GPBP1: variants seen among roughly 807,000 people sequenced by gnomAD.
GPBP1 encodes vasculin.
GPBP1 carries 13 observed loss-of-function variants against 56.5 expected under a neutral mutation model. The ratio of observed to expected loss-of-function variants is 0.23; its 90% CI spans 0.15 to 0.37. GPBP1 has a LOEUF of 0.37. Ranked by LOEUF, GPBP1 falls within the 10% of genes least tolerant of loss-of-function variation. The probability of loss-of-function intolerance (pLI) is 1.00; values close to 1 mark genes in which losing one functional copy is unlikely to be tolerated. For missense variants in GPBP1, 477 were observed against 572.3 expected (o/e 0.83, Z 1.70); for synonymous variants, 204 against 188.9 (o/e 1.08, Z -0.66).
Position 57,246,393 on chromosome 5 carries a change from T to G in GPBP1, c.572T>G (p.Val191Gly). 1 of 1,613,616 alleles carries G rather than the reference T, an allele frequency of 6.2e-7. No individual in the cohort carries two copies. The highest frequency in any genetic ancestry group is 1.3e-5 in the African/African-American group (1 of 75,030). ...KDLQLSGFPV[V>G]GNLPSQPVKN... ...TTACAGCTATCTGGATTCCCAGTAG[T>G]AGGAAATCTTCCGTCACAGCCAGTT... Residue 191 changes from valine to glycine, a missense_variant, in exon 7 of 12, where the codon GTA (valine) becomes GGA (glycine). Val to Gly is a moderately radical substitution (Grantham distance 109, BLOSUM62 -3). Coordinates refer to ENST00000506184, the MANE Select transcript of GPBP1 (RefSeq NM_022913.4).
At chr5:57,215,074 A>G (rs1028708029) in intron 3 of GPBP1, among the ~76,000 whole-genome samples, 3 of 152,236 alleles carry the variant, frequency 2.0e-5, no homozygotes, top group South Asian at 2.1e-4. Flanking sequence ...AATTCTTACC[A>G]GTCATATACT....
At chr5:57,236,966 G>C in intron 6 of GPBP1, 1 of 586,054 alleles carries the variant, frequency 1.7e-6, no homozygotes, top group South Asian at 1.9e-5. Context: ...TGAAACTCGG[G>C]AATTATTTTG....
In GPBP1 at chr5:57,206,124, A is replaced by G. The variant is rs1387212238; in HGVS notation, c.-57-7950A>G. Among the ~76,000 whole-genome samples the G allele has an allele frequency of 2.6e-5, 4 of 152,210 alleles. No individual in the cohort carries two copies. In the East Asian group the frequency reaches 7.7e-4, roughly 29 times the overall value. The stretch of plus-strand genomic sequence containing the variant: ...TTGTTGAGTTGTAAGAGTTCTTTAT[A>G]TATTCTGGATACTAGACCTTATTAG... On this transcript the variant is annotated intron_variant, in intron 2 of 11. Coordinates refer to ENST00000506184, the MANE Select transcript of GPBP1 (RefSeq NM_022913.4).
chr5:57,261,300 A>G lies in GPBP1; in HGVS notation c.1263+18A>G, dbSNP rs73129927. 9.9e-4 allele frequency: 1,365 copies of G among 1,380,650 alleles called. 10 individuals are homozygous for G. The African/African-American group carries it at 0.017, about 18-fold the overall frequency. The allele number at this position is 1,380,650 out of a possible 1,614,324, so 85.5% of individuals were successfully genotyped here. On this transcript the variant is annotated intron_variant, in intron 11 of 11. Coordinates refer to ENST00000506184, the MANE Select transcript of GPBP1 (RefSeq NM_022913.4). ...GTGAACAGGTAAGAAAACCTGAATCATACAACTTCACTTTTAAACTGCCCT... is the reference window on the plus strand; with the variant it reads ...GTGAACAGGTAAGAAAACCTGAATCGTACAACTTCACTTTTAAACTGCCCT...
rs908203843 is a variant in GPBP1, at chr5:57,264,117, TTTG to T, written c.*1374_*1376del. ...TTTTCACCAGAAACTGTTATTTTTT[TTTG>T]TTGTTGTTCCCACTGAGACTGATGG... is the stretch of plus-strand genomic sequence containing the variant. On this transcript the variant is annotated 3_prime_UTR_variant, in exon 12 of 12. Transcript: ENST00000506184. 3.3e-5 allele frequency: 5 copies of T among 152,162 alleles called. No homozygotes were observed. The highest frequency in any genetic ancestry group is 9.7e-5 in the African/African-American group (4 of 41,442). 9.4% of individuals were successfully genotyped at this position (152,162 alleles called of 1,614,324 possible).
At chr5:57,222,486 T>C (rs1436260166) in intron 3 of GPBP1, among the ~76,000 whole-genome samples, 1 of 152,204 alleles carries the variant, frequency 6.6e-6, no homozygotes, top group Non-Finnish European at 1.5e-5. Context: ...CAGAATATAT[T>C]TTTATTGCAG....
chr5:57,257,327 G>A (rs1741710107), intron 10 of GPBP1, among the ~76,000 whole-genome samples: 1 of 152,032 alleles, frequency 6.6e-6, no homozygotes, highest in Admixed American at 6.6e-5. Context: ...GAGCCACTGC[G>A]CCTGGCCAGT....
In GPBP1 at chr5:57,236,103, T is replaced by C. The variant is rs573273769; in HGVS notation, c.478+71T>C. ...TTTATAGGTTTCACTTTTTGTGTTT[T>C]TTAAAATAGAGAGCAGGCTAGAATA... On this transcript the variant is annotated intron_variant, in intron 6 of 11. Coordinates refer to ENST00000506184, the MANE Select transcript of GPBP1 (RefSeq NM_022913.4). The C allele has an allele frequency of 9.1e-5, 93 of 1,017,604 alleles. 3 individuals carry two copies. The South Asian group carries it at 1.2e-3, about 13-fold the overall frequency. 63.0% of individuals were successfully genotyped at this position (1,017,604 alleles called of 1,614,324 possible).
chr5:57,178,908 T>C (rs1281023529), intron 2 of GPBP1, among the ~76,000 whole-genome samples: 2 of 152,228 alleles, frequency 1.3e-5, no homozygotes, highest in South Asian at 4.1e-4. Context: ...ATAATAATCA[T>C]AGTGGCTAAC....
rs1755604905 is a variant in GPBP1 at position 57,214,060 on chromosome 5, T to C, written c.-57-14T>C. On this transcript the variant is annotated splice_polypyrimidine_tract_variant and intron_variant, in intron 2 of 11. Transcript: ENST00000506184. ...GGAGCTGCAGGTCTAATTCCTTCCA[T>C]TTTTATGTGACAGGGACTTGCCATG... The C allele has an allele frequency of 7.5e-7, 1 of 1,327,168 alleles. No homozygotes were observed. The highest frequency in any genetic ancestry group is 1.1e-6 in the Non-Finnish European group (1 of 923,336). The allele number at this position is 1,327,168 out of a possible 1,614,324, so 82.2% of individuals were successfully genotyped here.
rs543005934 is a variant in GPBP1 at position 57,229,230 on chromosome 5, C to CAAAAAAAAAAAAAAA, written c.64-1593_64-1579dup. Among the ~76,000 whole-genome samples the CAAAAAAAAAAAAAAA allele has an allele frequency of 1.9e-4, 15 of 77,422 alleles. 1 individual carries two copies. The highest frequency in any genetic ancestry group is 4.0e-4 in the African/African-American group (8 of 19,868). The allele number at this position is 77,422 out of a possible 152,430, so 50.8% of individuals were successfully genotyped here. On this transcript the variant is annotated intron_variant, in intron 3 of 11. Transcript: ENST00000506184. The stretch of plus-strand genomic sequence containing the variant: ...TGGGCGACAGAACAAGACTCCATCT[C>CAAAAAAAAAAAAAAA]AAAAAAAAAAAAAAAAAAAAAAAAA...
intron 8 of GPBP1, among the ~76,000 whole-genome samples, chr5:57,248,323 G>GTT (rs1741187885): frequency 6.6e-6 from 1 of 151,780 alleles, no homozygotes; most frequent in Admixed American, 6.5e-5. Flanking sequence ...AGAACAGGGA[G>GTT]TTCTCTGACC....
intron 3 of GPBP1, among the ~76,000 whole-genome samples, chr5:57,228,152 A>G (rs1371278838): frequency 6.6e-6 from 1 of 152,190 alleles, no homozygotes; most frequent in African/African-American, 2.4e-5. Flanking sequence ...CCACCTATAT[A>G]GTCTTTTTAG....
intron 2 of GPBP1, among the ~76,000 whole-genome samples, chr5:57,183,765 A>ATTTTTTTTT (rs34608817): frequency 2.0e-4 from 27 of 133,286 alleles, no homozygotes; most frequent in Non-Finnish European, 3.0e-4. Flanking sequence ...GGGGATATGA[A>ATTTTTTTTT]TTTTTTTTTT....
In GPBP1 at chr5:57,230,957, C is replaced by T. The variant is rs775619360; in HGVS notation, c.175C>T (p.Arg59Cys). ...AGATGGCTTTGATTCTGCTATTGGG[C>T]GTCCTAATGGAGGTAAAATTTGCTA... Reference protein sequence around the residue: ...SSDGFDSAIGRPNGGNFGRKE... With the variant: ...SSDGFDSAIGCPNGGNFGRKE... The change falls in exon 4 of 12, where the codon CGT becomes TGT. Residue 59 changes from arginine to cysteine, a missense_variant. Transcript: ENST00000506184. The T allele has an allele frequency of 5.0e-5, 81 of 1,607,098 alleles. No individual in the cohort carries two copies. Among genetic ancestry groups the T allele is most frequent in the East Asian group, 2.7e-4 (12 of 44,764 alleles).
chr5:57,225,504 A>AC (rs201540745), intron 3 of GPBP1, among the ~76,000 whole-genome samples: 1,653 of 137,438 alleles, frequency 0.012, 39 homozygotes, highest in African/African-American at 0.044. Flanking sequence ...AAAAAAAAAA[A>AC]AAAAAAACAA....
chr5:57,233,962 A>G (rs1756564174), intron 5 of GPBP1, among the ~76,000 whole-genome samples: 1 of 152,262 alleles, frequency 6.6e-6, no homozygotes, highest in African/African-American at 2.4e-5. Flanking sequence ...TCCCACCCCC[A>G]TTCTCAAGAT....
intron 2 of GPBP1, among the ~76,000 whole-genome samples, chr5:57,199,716 T>G (rs1754916451): frequency 6.6e-6 from 1 of 152,154 alleles, no homozygotes. Flanking sequence ...TCTGAAAGCA[T>G]ACTTCCAGAT....
chr5:57,207,334 T>C (rs1755273882), intron 2 of GPBP1, among the ~76,000 whole-genome samples: 1 of 152,188 alleles, frequency 6.6e-6, no homozygotes, highest in Non-Finnish European at 1.5e-5. Flanking sequence ...TTTTTTTTCT[T>C]TTTTGAAATA....
Sources: gnomAD v4.1 joint callset for allele counts (sites outside exome capture counted in the v4.1 genomes callset) on GRCh38, gnomAD v4.1.1 for gene constraint, MANE v1.5 for transcripts, NCBI Gene and HGNC (gene_info 2026-07-23, HGNC 2026-07-21) for gene names.